ADK: variants seen among roughly 807,000 people sequenced by gnomAD.
ADK encodes N6,N6-dimethyladenosine kinase.
ADK carries 24 observed loss-of-function variants against 44.7 expected under a neutral mutation model. The ratio of observed to expected loss-of-function variants is 0.54; its 90% CI spans 0.39 to 0.76. The LOEUF is 0.76. Ranked by LOEUF, ADK falls within the 30% of genes least tolerant of loss-of-function variation. The pLI is 0.00. For missense variants in ADK, 321 were observed against 425.1 expected, an observed-to-expected ratio of 0.76 and a Z score of 2.15; for synonymous variants, 128 against 142.6, an observed-to-expected ratio of 0.90 and a Z score of 0.73.
intron 10 of ADK, among the ~76,000 whole-genome samples, chr10:74,674,191 C>CT (rs1357135608): frequency 6.6e-6 from 1 of 152,188 alleles, no homozygotes; most frequent in Non-Finnish European, 1.5e-5. Flanking sequence ...TGCCTGCCTC[C>CT]TGTCCCTATC....
intron 3 of ADK, among the ~76,000 whole-genome samples, chr10:74,227,851 G>T (rs1564605956): frequency 6.7e-6 from 1 of 150,260 alleles, no homozygotes; most frequent in Non-Finnish European, 1.5e-5. Context: ...TCAAAAAAAA[G>T]AAAAAAAAAT....
intron 8 of ADK, among the ~76,000 whole-genome samples, chr10:74,594,602 TA>T (rs1211031595): frequency 6.9e-6 from 1 of 145,060 alleles, no homozygotes; most frequent in African/African-American, 2.6e-5. Flanking sequence ...TCAGACTAGA[TA>T]AAAAAACTGA....
chr10:74,402,257 T>C (rs1435148294), intron 6 of ADK, among the ~76,000 whole-genome samples: 2 of 152,214 alleles, frequency 1.3e-5, no homozygotes, highest in Non-Finnish European at 2.9e-5. Flanking sequence ...TGTGGTGTTC[T>C]CTGTATTTCC....
intron 3 of ADK, among the ~76,000 whole-genome samples, chr10:74,286,087 A>G (rs568627838): frequency 6.6e-5 from 10 of 152,180 alleles, no homozygotes; most frequent in African/African-American, 1.9e-4. Flanking sequence ...GAATCTCACT[A>G]TGTTGCCCAG....
At chr10:74,398,644 A>T (rs1843606478) in intron 6 of ADK, 65 bp downstream of exon 6, 4 of 857,988 alleles carry the variant, frequency 4.7e-6, no homozygotes, top group Non-Finnish European at 7.2e-6. Context: ...TTGTTGTCTG[A>T]TATATATTTT....
chr10:74,182,694 T>G (rs1463354838), intron 1 of ADK, among the ~76,000 whole-genome samples: 3 of 152,188 alleles, frequency 2.0e-5, no homozygotes, highest in African/African-American at 7.2e-5. Context: ...TTGTCAGCTG[T>G]TAATGCTCCT....
chr10:74,645,079 A>C (rs1854008363), intron 9 of ADK, among the ~76,000 whole-genome samples: 1 of 152,204 alleles, frequency 6.6e-6, no homozygotes, highest in South Asian at 2.1e-4. Flanking sequence ...CAGCTTGTCT[A>C]GAATTTTTGT....
chr10:74,389,899 G>C (rs1298892493), intron 4 of ADK, among the ~76,000 whole-genome samples: 1 of 152,046 alleles, frequency 6.6e-6, no homozygotes, highest in East Asian at 1.9e-4. Context: ...ACAGTGAGTT[G>C]ATATAGCTCT....
intron 9 of ADK, among the ~76,000 whole-genome samples, chr10:74,621,932 A>G (rs758903544): frequency 2.1e-4 from 32 of 152,052 alleles, no homozygotes; most frequent in Non-Finnish European, 4.6e-4. Flanking sequence ...TGGTGTTTTT[A>G]TGAGATCCCT....
intron 2 of ADK, among the ~76,000 whole-genome samples, chr10:74,213,657 A>G (rs911874410): frequency 9.8e-5 from 15 of 152,334 alleles, no homozygotes; most frequent in African/African-American, 3.6e-4. Flanking sequence ...ATGAAGTATG[A>G]TGAGTTTATA....
intron 6 of ADK, among the ~76,000 whole-genome samples, chr10:74,421,758 A>G (rs1359454851): frequency 6.6e-6 from 1 of 152,186 alleles, no homozygotes; most frequent in Admixed American, 6.5e-5. Context: ...TAAAAATAAT[A>G]AAGATTAAGC....
chr10:74,296,768 C>G (rs1276609818), intron 3 of ADK, among the ~76,000 whole-genome samples: 9 of 151,866 alleles, frequency 5.9e-5, no homozygotes, highest in Non-Finnish European at 1.0e-4. Flanking sequence ...CCCGTCACCA[C>G]GCTGGGCTAA....
chr10:74,555,745 G>A (rs1386272663), intron 7 of ADK, among the ~76,000 whole-genome samples: 1 of 152,168 alleles, frequency 6.6e-6, no homozygotes, highest in Non-Finnish European at 1.5e-5. Flanking sequence ...CATGTCTTGG[G>A]AGTATCCTGT....
At chr10:74,267,221 C>G (rs1398844657) in intron 3 of ADK, among the ~76,000 whole-genome samples, 1 of 152,122 alleles carries the variant, frequency 6.6e-6, no homozygotes, top group Non-Finnish European at 1.5e-5. Context: ...CCAGTAAATA[C>G]AGTTGGCCCT....
intron 1 of ADK, among the ~76,000 whole-genome samples, chr10:74,188,354 T>TAA: frequency 1.4e-5 from 2 of 144,410 alleles, no homozygotes; most frequent in African/African-American, 5.1e-5. Context: ...TTTTTTTTTT[T>TAA]TTTTTTTTTT....
chr10:74,401,423 C>A (rs906875312), intron 6 of ADK, among the ~76,000 whole-genome samples: 2 of 152,116 alleles, frequency 1.3e-5, no homozygotes, highest in South Asian at 4.2e-4. Flanking sequence ...CTGGGTGCTC[C>A]TGTATTGGGT....
intron 3 of ADK, among the ~76,000 whole-genome samples, chr10:74,236,033 T>C (rs762713797): frequency 2.6e-5 from 4 of 152,236 alleles, no homozygotes; most frequent in Non-Finnish European, 4.4e-5. Context: ...TATTAATGTT[T>C]CTTTCCTTTA....
chr10:74,255,440 C>T (rs567104434), intron 3 of ADK, among the ~76,000 whole-genome samples: 2 of 152,230 alleles, frequency 1.3e-5, no homozygotes, highest in South Asian at 4.1e-4. Context: ...GGTATAATTG[C>T]TCCCTTACCC....
In ADK at chr10:74,326,648, C is replaced by T. The variant is rs536400146; in HGVS notation, c.273+11903C>T. Among the ~76,000 whole-genome samples the T allele has an allele frequency of 3.9e-5, 6 of 152,132 alleles. No homozygotes were observed. The East Asian group carries it at 1.2e-3, about 29-fold the overall frequency. ...GAACAAAAATTTTGGTAAAATACAG[C>T]AGTGAAGCCATCAGGTCCTAGGCAT... On this transcript the variant is annotated intron_variant, in intron 4 of 10. Coordinates refer to ENST00000539909, the MANE Select transcript of ADK (RefSeq NM_006721.4).
Sources: allele counts gnomAD v4.1 joint callset (sites outside exome capture counted in the v4.1 genomes callset), GRCh38; gene constraint gnomAD v4.1.1; transcripts MANE v1.5; gene names NCBI Gene and HGNC (gene_info 2026-07-23, HGNC 2026-07-21).